Variants in TEX36 observed in about 807,000 individuals in gnomAD.
TEX36 encodes the protein testis-expressed protein 36.
TEX36 carries 12 observed loss-of-function variants against 13.6 expected under a neutral mutation model. That is an observed-to-expected ratio of 0.88 (90% CI 0.56 to 1.43). The LOEUF is 1.43. TEX36 is among the 40% of genes most tolerant of loss of function. TEX36 has a pLI of 0.00. For missense variants in TEX36, 224 were observed against 228.3 expected (o/e 0.98, Z 0.12); for synonymous variants, 93 against 83.0 (o/e 1.12, Z -0.65).
chr10:125,579,238 C>T (rs180789552), intron 3 of TEX36, among the ~76,000 whole-genome samples: 23 of 152,282 alleles, frequency 1.5e-4, no homozygotes, highest in Non-Finnish European at 2.8e-4. Context: ...ATTCACTGTT[C>T]CTTATGGCTG....
chr10:125,654,487 A>C (rs1265895804), downstream of TEX36, among the ~76,000 whole-genome samples: 1 of 152,188 alleles, frequency 6.6e-6, no homozygotes, highest in Admixed American at 6.5e-5. Context: ...CATAAATTAA[A>C]AGCTAAATTT....
chr10:125,620,352 C>A (rs1050511008), downstream of TEX36, among the ~76,000 whole-genome samples: 1 of 152,188 alleles, frequency 6.6e-6, no homozygotes, highest in Non-Finnish European at 1.5e-5. Flanking sequence ...TCTTTGATTA[C>A]TAGTGAAGCT....
At position 125,671,026 on chromosome 10, in the gene TEX36, GT is replaced by G. The variant is rs201333407; in HGVS notation, c.52-9050del. On this transcript the variant is annotated intron_variant, in intron 1 of 3. Transcript: ENST00000368821. ...GAAGTCAGGTAGCATGATGCCTCCA[GT>G]TTTTTTCTGAGATTATGGGGTTTTC... is the stretch of plus-strand genomic sequence containing the variant. 5.9e-3 allele frequency among the ~76,000 whole-genome samples: 895 copies of G among 151,896 alleles called. 13 individuals carry two copies. Among genetic ancestry groups the G allele is most frequent in the African/African-American group, 0.021 (853 of 41,494 alleles).
intron 3 of TEX36, among the ~76,000 whole-genome samples, chr10:125,601,924 T>A (rs1282903425): frequency 6.6e-6 from 1 of 152,206 alleles, no homozygotes; most frequent in Non-Finnish European, 1.5e-5. Flanking sequence ...AGCACCTGCA[T>A]GCGGGGTGTC....
chr10:125,661,182 G>C, intron 2 of TEX36, 81 bp from the exon 3 acceptor site: 1 of 1,161,880 alleles, frequency 8.6e-7, no homozygotes, highest in East Asian at 2.6e-5. Context: ...GATGTGGAAG[G>C]AAGATGGATG....
intron 3 of TEX36, among the ~76,000 whole-genome samples, chr10:125,604,401 C>T (rs1397103145): frequency 1.3e-5 from 2 of 152,170 alleles, no homozygotes; most frequent in Admixed American, 6.5e-5. Flanking sequence ...CTAGCCTGGG[C>T]ACGGTGGCTC....
chr10:125,661,069 C>T lies in TEX36; in HGVS notation c.216G>A (p.Val72=). 7 of 1,551,996 alleles carry T rather than the reference C, an allele frequency of 4.5e-6. No individual in the cohort carries two copies. The highest frequency in any genetic ancestry group is 5.2e-6 in the Non-Finnish European group (6 of 1,147,060). ...TCTCCAAGCTGTGCCGATTGTCATGCACGGAGAAGGGGAACTGGTTATTCA... is the reference window on the plus strand; with the variant it reads ...TCTCCAAGCTGTGCCGATTGTCATGTACGGAGAAGGGGAACTGGTTATTCA... The part of the protein sequence containing the change: ...QAVNNQFPFS[V]HDNRHSLENS... The change falls in exon 3 of 4, where the codon GTG becomes GTA. Residue 72 remains valine (V), a synonymous_variant. Transcript: ENST00000368821.
At chr10:125,618,133 T>C (rs1306256837), downstream of TEX36, among the ~76,000 whole-genome samples, 12 of 152,182 alleles carry the variant, frequency 7.9e-5, no homozygotes, top group Admixed American at 2.0e-4. Flanking sequence ...GGTTTTCAGC[T>C]CCATCAGCTC....
chr10:125,613,662 T>C (rs554925419), intron 3 of TEX36, among the ~76,000 whole-genome samples: 1 of 152,182 alleles, frequency 6.6e-6, no homozygotes, highest in African/African-American at 2.4e-5. Context: ...TGCCACGTTT[T>C]CTTAATCCAG....
chr10:125,634,271 T>G (rs945792564), intron 3 of TEX36, among the ~76,000 whole-genome samples: 1 of 152,104 alleles, frequency 6.6e-6, no homozygotes, highest in Non-Finnish European at 1.5e-5. Flanking sequence ...AGAAGCCAGG[T>G]CCCAACTTTG....
At chr10:125,659,982 C>G (rs1847007418) in intron 3 of TEX36, among the ~76,000 whole-genome samples, 1 of 152,034 alleles carries the variant, frequency 6.6e-6, no homozygotes, top group African/African-American at 2.4e-5. Flanking sequence ...TGTGAGTTGT[C>G]TACGTTGAGA....
chr10:125,643,537 A>G (rs1043447716), intron 3 of TEX36, among the ~76,000 whole-genome samples: 1 of 152,076 alleles, frequency 6.6e-6, no homozygotes, highest in Non-Finnish European at 1.5e-5. Flanking sequence ...AGGTCAGGAG[A>G]TTGAGACCAT....
intron 3 of TEX36, among the ~76,000 whole-genome samples, chr10:125,608,963 C>A (rs1846252040): frequency 7.4e-6 from 1 of 134,372 alleles, no homozygotes; most frequent in East Asian, 2.1e-4. Flanking sequence ...GGTGAAACCC[C>A]ACCTCTACTA....
intron 1 of TEX36, among the ~76,000 whole-genome samples, chr10:125,666,148 GAC>G (rs1393515463): frequency 2.0e-5 from 3 of 152,150 alleles, no homozygotes; most frequent in Admixed American, 6.5e-5. Context: ...AGCAAAAAGA[GAC>G]AGTTTCACTT....
chr10:125,662,888 C>T (rs967914656), intron 1 of TEX36, among the ~76,000 whole-genome samples: 1 of 152,150 alleles, frequency 6.6e-6, no homozygotes, highest in African/African-American at 2.4e-5. Context: ...GCTCTTATGG[C>T]AAGAGAAGCT....
chr10:125,667,250 C>T, intron 1 of TEX36: 1 of 627,204 alleles, frequency 1.6e-6, no homozygotes, highest in Non-Finnish European at 3.0e-6. Context: ...CCTGGGGTGA[C>T]CATGCTGGGG....
chr10:125,627,987 G>C (rs1342004999), intron 3 of TEX36, among the ~76,000 whole-genome samples: 1 of 152,198 alleles, frequency 6.6e-6, no homozygotes, highest in Non-Finnish European at 1.5e-5. Flanking sequence ...TGTAAGACCA[G>C]AGTCACAATT....
chr10:125,665,485 C>T (rs1167338545), intron 1 of TEX36, among the ~76,000 whole-genome samples: 1 of 152,098 alleles, frequency 6.6e-6, no homozygotes, highest in Non-Finnish European at 1.5e-5. Context: ...TCTTTCAGTA[C>T]CATTTATTGA....
intron 3 of TEX36, among the ~76,000 whole-genome samples, chr10:125,637,615 A>G (rs1258051883): frequency 1.3e-5 from 2 of 152,108 alleles, no homozygotes; most frequent in Admixed American, 6.5e-5. Context: ...CAGTCCTACC[A>G]GCAGTTGTCA....
Sources: allele counts gnomAD v4.1 joint callset (sites outside exome capture counted in the v4.1 genomes callset), GRCh38; gene constraint gnomAD v4.1.1; transcripts MANE v1.5; gene names NCBI Gene and HGNC (gene_info 2026-07-23, HGNC 2026-07-21).